TTC7B: variants seen among roughly 807,000 people sequenced by gnomAD.
TTC7B encodes the protein tetratricopeptide repeat domain 7B.
In TTC7B, 28 loss-of-function variants were observed where a neutral mutation model predicts 106.8. The ratio of observed to expected loss-of-function variants is 0.26; its 90% CI spans 0.19 to 0.36. The LOEUF is 0.36. Among genes scored for constraint, TTC7B ranks in the 10% least tolerant of loss-of-function variants. TTC7B has a pLI of 1.00. For synonymous variants in TTC7B, 405 were observed against 430.6 expected, an observed-to-expected ratio of 0.94 and a Z score of 0.74; for missense variants, 862 against 1,076.4, an observed-to-expected ratio of 0.80 and a Z score of 2.79.
intron 17 of TTC7B, among the ~76,000 whole-genome samples, chr14:90,594,497 A>G (rs1892121093): frequency 6.6e-6 from 1 of 152,064 alleles, no homozygotes; most frequent in Admixed American, 6.5e-5. Flanking sequence ...ACTCTTGGAG[A>G]TGTGGTTTTA....
chr14:90,704,455 A>T (rs924992563), intron 5 of TTC7B, among the ~76,000 whole-genome samples: 4 of 152,250 alleles, frequency 2.6e-5, no homozygotes, highest in Admixed American at 2.6e-4. Flanking sequence ...ATTTGAACTC[A>T]GGCCCTATCT....
intron 15 of TTC7B, 88 bp from the exon 16 acceptor site, chr14:90,618,133 G>A: frequency 3.2e-6 from 3 of 931,204 alleles, no homozygotes; most frequent in Non-Finnish European, 5.2e-6. Context: ...CTTAGACCCA[G>A]AAGCAGCTGT....
chr14:90,609,522 C>A (rs2139840356), intron 17 of TTC7B, among the ~76,000 whole-genome samples: 1 of 152,316 alleles, frequency 6.6e-6, no homozygotes, highest in Admixed American at 6.5e-5. Context: ...TTTCCCAGGA[C>A]AAGCCCTGGC....
rs143529043 is a variant in TTC7B, at chr14:90,706,983, T to G, written c.699-11405A>C. Among the ~76,000 whole-genome samples, 28 of 152,354 alleles carry G rather than the reference T, an allele frequency of 1.8e-4. 1 individual carries two copies. The East Asian group carries it at 3.5e-3, about 19-fold the overall frequency. Reference sequence around the variant, plus strand: ...TCAGATTTCATACTGATATTTCCAATTTGATTATTCAAATTCAGGACTACA... The same window carrying G: ...TCAGATTTCATACTGATATTTCCAAGTTGATTATTCAAATTCAGGACTACA... On this transcript the variant is annotated intron_variant, in intron 5 of 19. Transcript: ENST00000328459.
intron 5 of TTC7B, among the ~76,000 whole-genome samples, chr14:90,708,629 C>T (rs1888311201): frequency 1.3e-5 from 2 of 152,186 alleles, no homozygotes; most frequent in Non-Finnish European, 2.9e-5. Context: ...TGACAATGTA[C>T]CTGGTCACCC....
At chr14:90,607,866 T>C (rs902896717) in intron 17 of TTC7B, among the ~76,000 whole-genome samples, 6 of 152,294 alleles carry the variant, frequency 3.9e-5, no homozygotes, top group East Asian at 1.9e-4. Context: ...AGAGGAAAGA[T>C]ACATATGCTT....
intron 7 of TTC7B, among the ~76,000 whole-genome samples, chr14:90,681,306 G>C (rs1486292528): frequency 1.3e-5 from 2 of 151,770 alleles, no homozygotes; most frequent in African/African-American, 4.8e-5. Flanking sequence ...TCACCAATTG[G>C]GTCAAACTCA....
rs191713623 is a variant in TTC7B at position 90,570,751 on chromosome 14, C to T, written c.2310+7355G>A. On this transcript the variant is annotated intron_variant, in intron 19 of 19. Transcript: ENST00000328459. The surrounding 1 kb of genome is among the most constrained non-coding windows in gnomAD (Gnocchi z 4.0). ...CGACCTGGATTACAGAGAATGACAG[C>T]GACACTCAGAGCTGATATTTGCGGA... Among the ~76,000 whole-genome samples the T allele has an allele frequency of 2.0e-3, 311 of 152,308 alleles. 2 individuals carry two copies. The highest frequency in any genetic ancestry group is 3.4e-3 in the Middle Eastern group (1 of 294).
At chr14:90,571,480 G>A (rs185370859) in intron 19 of TTC7B, among the ~76,000 whole-genome samples, 82 of 152,288 alleles carry the variant, frequency 5.4e-4, no homozygotes, top group Non-Finnish European at 1.1e-3. Flanking sequence ...GGAAGGCTGG[G>A]CACTAAATAC....
chr14:90,646,715 C>T (rs1885471209), intron 14 of TTC7B: 1 of 513,646 alleles, frequency 1.9e-6, no homozygotes. Flanking sequence ...TTGGGCCCTC[C>T]AGCTGTGTGG....
At chr14:90,593,347 C>T (rs1353950812) in intron 18 of TTC7B, 139 bp downstream of exon 18, 2 of 1,264,276 alleles carry the variant, frequency 1.6e-6, no homozygotes, top group Non-Finnish European at 1.0e-6. Flanking sequence ...TGGTGCATGG[C>T]CGTGAAGCTT....
rs1408179143 is a variant in TTC7B, at chr14:90,808,143, G to A, written c.121+8032C>T. ...TGTAAAAGTTCATAGCCAGAATCTG[G>A]CACACAAGAGAGACGCAAGAGGCTG... On this transcript the variant is annotated intron_variant, in intron 1 of 19. Coordinates refer to ENST00000328459, the MANE Select transcript of TTC7B (RefSeq NM_001010854.2). The surrounding 1 kb of genome is among the most constrained non-coding windows in gnomAD (Gnocchi z 4.2). 6.6e-6 allele frequency among the ~76,000 whole-genome samples: 1 copy of A among 152,170 alleles called. No homozygotes were observed. Among genetic ancestry groups the A allele is most frequent in the Non-Finnish European group, 1.5e-5 (1 of 68,030 alleles).
intron 15 of TTC7B, among the ~76,000 whole-genome samples, chr14:90,641,921 TTG>T (rs201960735): frequency 5.7e-5 from 8 of 139,218 alleles, no homozygotes; most frequent in African/African-American, 2.4e-4. Flanking sequence ...ATGAAAGAGC[TTG>T]TGTGTGTGTG....
At chr14:90,644,243 A>G (rs113369858) in intron 14 of TTC7B, 35 bp from the exon 15 acceptor site, 1 of 270,362 alleles carries the variant, frequency 3.7e-6, no homozygotes, top group South Asian at 1.3e-4. Flanking sequence ...GGTTTTACAT[A>G]CACACATGCA....
chr14:90,556,918 G>C (rs75341254), intron 19 of TTC7B, among the ~76,000 whole-genome samples: 1 of 152,296 alleles, frequency 6.6e-6, no homozygotes, highest in Non-Finnish European at 1.5e-5. Flanking sequence ...CAGGGAACGG[G>C]GGGGACATGG....
At chr14:90,640,347 T>C (rs1885122050) in intron 15 of TTC7B, among the ~76,000 whole-genome samples, 3 of 151,512 alleles carry the variant, frequency 2.0e-5, no homozygotes, top group African/African-American at 2.4e-5. Context: ...ATGATTAACA[T>C]AGAATTTAGA....
chr14:90,797,831 G>A (rs1204321884), intron 1 of TTC7B, among the ~76,000 whole-genome samples: 1 of 152,132 alleles, frequency 6.6e-6, no homozygotes, highest in Non-Finnish European at 1.5e-5. Flanking sequence ...TAAGGTCCTT[G>A]ACAGGATACC....
chr14:90,717,278 G>A (rs1438346063), intron 5 of TTC7B, among the ~76,000 whole-genome samples: 1 of 151,664 alleles, frequency 6.6e-6, no homozygotes, highest in Non-Finnish European at 1.5e-5. Context: ...GGCGGAGCTT[G>A]CAGTGAGCTG....
chr14:90,794,675 C>T (rs1168020433), intron 1 of TTC7B, among the ~76,000 whole-genome samples: 2 of 152,158 alleles, frequency 1.3e-5, no homozygotes, highest in East Asian at 1.9e-4. Context: ...GTTACAATCT[C>T]ATTTGAAATT....
Sources: allele counts gnomAD v4.1 joint callset (sites outside exome capture counted in the v4.1 genomes callset), GRCh38; gene constraint gnomAD v4.1.1; non-coding constraint Gnocchi (gnomAD v3.1); transcripts MANE v1.5; gene names NCBI Gene and HGNC (gene_info 2026-07-23, HGNC 2026-07-21).